The following FBXL7 variants were observed in gnomAD, a reference collection of about 807,000 sequenced individuals.
FBXL7 encodes F-box and leucine rich repeat protein 7, also known as F-box/LRR-repeat protein 7.
Under a neutral mutation model 38.3 loss-of-function variants are expected in FBXL7, and 12 were observed. The ratio of observed to expected loss-of-function variants is 0.31; its 90% CI spans 0.20 to 0.51. The LOEUF (loss-of-function observed/expected upper bound fraction) is 0.51. Ranked by LOEUF, FBXL7 falls within the 20% of genes least tolerant of loss-of-function variation. The probability of loss-of-function intolerance (pLI) is 0.98; values close to 1 mark genes in which losing one functional copy is unlikely to be tolerated. For missense variants in FBXL7, 567 were observed against 676.4 expected (o/e 0.84, Z 1.79); for synonymous variants, 297 against 300.9 (o/e 0.99, Z 0.13).
At chr5:15,850,808 T>G (rs1181502351) in intron 2 of FBXL7, among the ~76,000 whole-genome samples, 4 of 152,226 alleles carry the variant, frequency 2.6e-5, no homozygotes, top group Admixed American at 2.6e-4. Flanking sequence ...TGCTGGACTT[T>G]CCACAGGCTG....
At chr5:15,839,311 C>T (rs1489196115) in intron 2 of FBXL7, among the ~76,000 whole-genome samples, 1 of 151,968 alleles carries the variant, frequency 6.6e-6, no homozygotes, top group East Asian at 1.9e-4. Context: ...TAATTCTCTC[C>T]CCTGACATCA....
At position 15,906,436 on chromosome 5, in the gene FBXL7, ATTTT is replaced by A. The variant is rs70938032; in HGVS notation, c.128-21438_128-21435del. Among the ~76,000 whole-genome samples the A allele has an allele frequency of 7.8e-4, 98 of 125,906 alleles. 1 individual carries two copies. Among genetic ancestry groups the A allele is most frequent in the Admixed American group, 8.9e-4 (11 of 12,404 alleles). The allele number at this position is 125,906 out of a possible 152,430, so 82.6% of individuals were successfully genotyped here. ...TATTTTACATAGTTGACCTAGAAGG[ATTTT>A]TTTTTTTTTTTTTTTATGTAACATG... is the stretch of plus-strand genomic sequence containing the variant. On this transcript the variant is annotated intron_variant, in intron 2 of 3. Coordinates refer to ENST00000504595, the MANE Select transcript of FBXL7 (RefSeq NM_012304.5).
At chr5:15,905,315 C>A (rs1474712182) in intron 2 of FBXL7, among the ~76,000 whole-genome samples, 1 of 152,118 alleles carries the variant, frequency 6.6e-6, no homozygotes, top group Admixed American at 6.5e-5. Context: ...TTTATTTTCA[C>A]TTTTTGAACC....
At position 15,919,224 on chromosome 5, in the gene FBXL7, A is replaced by G. The variant is rs150388199; in HGVS notation, c.128-8666A>G. The stretch of plus-strand genomic sequence containing the variant: ...TTGTAAATTTTGACTTTGAAAGGCC[A>G]TTGTAATGTAAATATGACTTCCTAG... On this transcript the variant is annotated intron_variant, in intron 2 of 3. Transcript: ENST00000504595. Among the ~76,000 whole-genome samples, 903 of 152,304 alleles carry G rather than the reference A, an allele frequency of 5.9e-3. 8 individuals are homozygous for G. The highest frequency in any genetic ancestry group is 0.019 in the African/African-American group (774 of 41,564).
chr5:15,732,481 C>T (rs1014117418), intron 2 of FBXL7, among the ~76,000 whole-genome samples: 8 of 151,836 alleles, frequency 5.3e-5, no homozygotes, highest in African/African-American at 1.7e-4. Context: ...TTTATATTGT[C>T]ATTTGCTGCA....
At chr5:15,724,943 A>C (rs550187055) in intron 2 of FBXL7, among the ~76,000 whole-genome samples, 1 of 152,180 alleles carries the variant, frequency 6.6e-6, no homozygotes, top group Non-Finnish European at 1.5e-5. Context: ...TAGTATATAT[A>C]AACAAAGAGG....
intron 2 of FBXL7, among the ~76,000 whole-genome samples, chr5:15,905,696 T>G (rs140979158): frequency 0.013 from 1,922 of 152,260 alleles, 45 homozygotes; most frequent in African/African-American, 0.044. Context: ...AATTAAATAT[T>G]TTCAGTTCAG....
At position 15,742,383 on chromosome 5, in the gene FBXL7, A is replaced by G. The variant is rs140410807; in HGVS notation, c.127+126311A>G. 2.0e-3 allele frequency among the ~76,000 whole-genome samples: 304 copies of G among 152,312 alleles called. 6 individuals are homozygous for G. Among genetic ancestry groups the G allele is most frequent in the African/African-American group, 7.0e-3 (293 of 41,582 alleles). On this transcript the variant is annotated intron_variant, in intron 2 of 3. Transcript: ENST00000504595. ...GGAATTTGACTGATGAAATAGTTTC[A>G]CTGCTTTCAGAAACAGGTGTTTGGA... is the stretch of plus-strand genomic sequence containing the variant.
At chr5:15,852,254 A>G (rs1739119947) in intron 2 of FBXL7, among the ~76,000 whole-genome samples, 1 of 152,220 alleles carries the variant, frequency 6.6e-6, no homozygotes, top group African/African-American at 2.4e-5. Flanking sequence ...TGGATCTGTC[A>G]TCTTCCATTA....
At chr5:15,757,537 A>AG (rs1255030375) in intron 2 of FBXL7, among the ~76,000 whole-genome samples, 2 of 150,958 alleles carry the variant, frequency 1.3e-5, no homozygotes, top group South Asian at 2.1e-4. Context: ...TTATTTTCTC[A>AG]GGAAAAAAAA....
intron 2 of FBXL7, among the ~76,000 whole-genome samples, chr5:15,780,267 G>C (rs4702108): frequency 0.35 from 53,659 of 151,888 alleles, 10,183 homozygotes; most frequent in African/African-American, 0.5. Flanking sequence ...TTTACATTTA[G>C]TGAACTGAAG....
intron 2 of FBXL7, among the ~76,000 whole-genome samples, chr5:15,722,293 T>C (rs2126653579): frequency 6.6e-6 from 1 of 152,308 alleles, no homozygotes; most frequent in South Asian, 2.1e-4. Flanking sequence ...GGTTTGAATT[T>C]AGAATTCTAG....
intron 2 of FBXL7, among the ~76,000 whole-genome samples, chr5:15,730,659 G>A (rs1735557632): frequency 6.6e-6 from 1 of 152,176 alleles, no homozygotes; most frequent in African/African-American, 2.4e-5. Context: ...TCATATCATT[G>A]TATGAAACCA....
At chr5:15,628,966 G>A (rs891607191) in intron 2 of FBXL7, among the ~76,000 whole-genome samples, 2 of 151,942 alleles carry the variant, frequency 1.3e-5, no homozygotes, top group Admixed American at 1.3e-4. Flanking sequence ...TGTCCTCAGA[G>A]CATCTGGGTT....
intron 1 of FBXL7, among the ~76,000 whole-genome samples, chr5:15,507,997 C>G (rs1226737564): frequency 6.6e-6 from 1 of 150,662 alleles, no homozygotes; most frequent in Non-Finnish European, 1.5e-5. Context: ...GAGCCGAGAT[C>G]ACACCATTGC....
At chr5:15,612,429 A>G (rs1042238080) in intron 1 of FBXL7, among the ~76,000 whole-genome samples, 6 of 152,208 alleles carry the variant, frequency 3.9e-5, no homozygotes, top group African/African-American at 7.2e-5. Context: ...CTCTTTCTTC[A>G]TAAACAAGCA....
At chr5:15,904,865 T>G (rs545516245) in intron 2 of FBXL7, among the ~76,000 whole-genome samples, 1 of 152,266 alleles carries the variant, frequency 6.6e-6, no homozygotes, top group Non-Finnish European at 1.5e-5. Flanking sequence ...CCAACTAGGA[T>G]GTTACCATAC....
At chr5:15,933,743 G>A (rs1044371521) in intron 3 of FBXL7, among the ~76,000 whole-genome samples, 1 of 152,024 alleles carries the variant, frequency 6.6e-6, no homozygotes, top group African/African-American at 2.4e-5. Context: ...AGAGTTTCCT[G>A]GGCAGCCTAC....
At chr5:15,607,956 G>C (rs1201868020) in intron 1 of FBXL7, among the ~76,000 whole-genome samples, 2 of 152,180 alleles carry the variant, frequency 1.3e-5, no homozygotes, top group Non-Finnish European at 2.9e-5. Context: ...AATCTGACCA[G>C]CACAGTTCCA....
Sources: allele counts gnomAD v4.1 joint callset (sites outside exome capture counted in the v4.1 genomes callset), GRCh38; gene constraint gnomAD v4.1.1; transcripts MANE v1.5; gene names NCBI Gene and HGNC (gene_info 2026-07-23, HGNC 2026-07-21).